Variants in NALF1 observed in about 807,000 individuals in gnomAD.
NALF1 encodes the protein NALCN channel auxiliary factor 1, also known as family with sequence similarity 155 member A.
A neutral mutation model predicts 48.4 loss-of-function variants in NALF1; 3 were observed. That is an observed-to-expected ratio of 0.06 (90% CI 0.03 to 0.16). The LOEUF is 0.16. Among genes scored for constraint, NALF1 ranks in the 10% least tolerant of loss-of-function variants. The pLI is 1.00. For missense variants in NALF1, 526 were observed against 571.5 expected, an observed-to-expected ratio of 0.92 and a Z score of 0.81; for synonymous variants, 262 against 245.7, an observed-to-expected ratio of 1.07 and a Z score of -0.62.
chr13:107,690,596 C>T (rs4084979), intron 1 of NALF1, among the ~76,000 whole-genome samples: 151,061 of 152,306 alleles, frequency 0.99, 74,922 homozygotes, highest in East Asian at 1. Context: ...AGCTAGAGAG[C>T]AATGATACTA....
chr13:107,767,001 C>T lies in NALF1; in HGVS notation c.915+98681G>A, dbSNP rs557986205. Among the ~76,000 whole-genome samples, 50 of 152,030 alleles carry T rather than the reference C, an allele frequency of 3.3e-4. No individual in the cohort carries two copies. The South Asian group carries it at 8.9e-3, about 27-fold the overall frequency. The stretch of plus-strand genomic sequence containing the variant: ...GCAACTGACAACAGAAAGACTTAGA[C>T]GTGTGGAGGAAAAACAACCAAACGG... On this transcript the variant is annotated intron_variant, in intron 1 of 2. Transcript: ENST00000375915.
At chr13:107,478,145 T>C (rs1172683546) in intron 1 of NALF1, among the ~76,000 whole-genome samples, 2 of 152,156 alleles carry the variant, frequency 1.3e-5, no homozygotes, top group Non-Finnish European at 2.9e-5. Context: ...AATGAAGCCA[T>C]TCTTGCTGTA....
intron 1 of NALF1, among the ~76,000 whole-genome samples, chr13:107,308,127 T>G (rs1881973035): frequency 6.6e-6 from 1 of 152,048 alleles, no homozygotes; most frequent in African/African-American, 2.4e-5. Flanking sequence ...ATTCCTCCAT[T>G]ATTTTTTACC....
chr13:107,247,612 T>G (rs752514580), intron 1 of NALF1, among the ~76,000 whole-genome samples: 4 of 152,240 alleles, frequency 2.6e-5, no homozygotes, highest in Non-Finnish European at 5.9e-5. Context: ...TACACTTGAA[T>G]CACATATACT....
chr13:107,365,775 T>C (rs1883142065), intron 1 of NALF1, among the ~76,000 whole-genome samples: 1 of 152,174 alleles, frequency 6.6e-6, no homozygotes, highest in Non-Finnish European at 1.5e-5. Flanking sequence ...ATTAAATAGA[T>C]CTTCTGAGCT....
intron 1 of NALF1, among the ~76,000 whole-genome samples, chr13:107,244,519 T>C (rs1229628789): frequency 1.3e-5 from 2 of 152,258 alleles, no homozygotes; most frequent in Non-Finnish European, 2.9e-5. Flanking sequence ...GATGTGTCTA[T>C]TTTTCTGAAA....
intron 2 of NALF1, among the ~76,000 whole-genome samples, chr13:107,186,217 G>A (rs1879168620): frequency 1.3e-5 from 2 of 152,062 alleles, no homozygotes; most frequent in East Asian, 1.9e-4. Flanking sequence ...TCCACCGGGG[G>A]ATGCTGTAAT....
intron 1 of NALF1, among the ~76,000 whole-genome samples, chr13:107,357,408 T>C (rs1882982355): frequency 6.6e-6 from 1 of 152,014 alleles, no homozygotes; most frequent in African/African-American, 2.4e-5. Context: ...CCCTGACACA[T>C]GGGTATTATA....
At position 107,163,886 on chromosome 13, in the gene NALF1, C is replaced by G. The variant is rs1017538098; in HGVS notation, c.*6611G>C. The stretch of plus-strand genomic sequence containing the variant: ...TGCAGAAAAAGGTAGAAAAAGAAAA[C>G]AAGAGAAAAAGGAAGAAAAAGAAAG... On this transcript the variant is annotated 3_prime_UTR_variant, in exon 3 of 3. Transcript: ENST00000375915. The G allele has an allele frequency of 1.1e-4, 17 of 151,810 alleles. No individual in the cohort carries two copies. The highest frequency in any genetic ancestry group is 3.4e-4 in the African/African-American group (14 of 41,316). 9.4% of individuals were successfully genotyped at this position (151,810 alleles called of 1,614,324 possible). A position where few individuals can be genotyped will look rare whatever the true frequency, so the allele number is the denominator to read the frequency against.
intron 1 of NALF1, among the ~76,000 whole-genome samples, chr13:107,477,545 A>C (rs1472099750): frequency 6.6e-6 from 1 of 151,864 alleles, no homozygotes; most frequent in African/African-American, 2.4e-5. Context: ...AAATTACTGA[A>C]AGTCATCTTC....
At chr13:107,683,852 G>GA (rs58276093) in intron 1 of NALF1, among the ~76,000 whole-genome samples, 52,662 of 108,888 alleles carry the variant, frequency 0.48, 9,256 homozygotes, top group East Asian at 0.55. Flanking sequence ...CACATCCTGT[G>GA]GGGTCTCCTG....
chr13:107,191,911 A>C (rs1006917379), intron 2 of NALF1, among the ~76,000 whole-genome samples: 11 of 141,700 alleles, frequency 7.8e-5, no homozygotes, highest in African/African-American at 3.0e-4. Context: ...TGAACTCCTG[A>C]CCTCAGGTGT....
intron 1 of NALF1, among the ~76,000 whole-genome samples, chr13:107,610,762 G>A (rs185182619): frequency 6.6e-6 from 1 of 152,308 alleles, no homozygotes; most frequent in Admixed American, 6.5e-5. Context: ...TATGCGCAGG[G>A]AATGATAAAC....
chr13:107,421,820 A>C (rs1465328224), intron 1 of NALF1, among the ~76,000 whole-genome samples: 1 of 152,188 alleles, frequency 6.6e-6, no homozygotes. Flanking sequence ...CATTGAAAAC[A>C]TGTTCCAGGA....
At chr13:107,827,305 C>T (rs115849033) in intron 1 of NALF1, among the ~76,000 whole-genome samples, 1,812 of 152,252 alleles carry the variant, frequency 0.012, 35 homozygotes, top group African/African-American at 0.041. Flanking sequence ...ATTTACTTAG[C>T]GTGTTTCTTT....
At chr13:107,627,442 C>T (rs7997048) in intron 1 of NALF1, among the ~76,000 whole-genome samples, 88,037 of 151,814 alleles carry the variant, frequency 0.58, 27,947 homozygotes, top group East Asian at 0.99. Flanking sequence ...TCATATTCTT[C>T]TCAGTGTTAT....
rs114220913 is a variant in NALF1 at position 107,223,686 on chromosome 13, C to T, written c.916-12931G>A. On this transcript the variant is annotated intron_variant, in intron 1 of 2. Transcript: ENST00000375915. ...TTGGGTGCTCCCTGTGTTCCATTGA[C>T]TTGCTGCGGTCTAACCCCTGTGAAG... Among the ~76,000 whole-genome samples, 881 of 152,302 alleles carry T rather than the reference C, an allele frequency of 5.8e-3. 4 individuals carry two copies. Among genetic ancestry groups the T allele is most frequent in the African/African-American group, 0.021 (853 of 41,550 alleles).
intron 1 of NALF1, among the ~76,000 whole-genome samples, chr13:107,413,545 A>T (rs1405652040): frequency 6.6e-6 from 1 of 152,142 alleles, no homozygotes; most frequent in Non-Finnish European, 1.5e-5. Context: ...ATTAAGTAAA[A>T]TTACACGATG....
chr13:107,696,557 T>A (rs891278404), intron 1 of NALF1, among the ~76,000 whole-genome samples: 1 of 120,160 alleles, frequency 8.3e-6, no homozygotes, highest in African/African-American at 4.0e-5. Context: ...GTTGAGTGTG[T>A]GTGTGTGTGT....
Sources: allele counts gnomAD v4.1 joint callset (sites outside exome capture counted in the v4.1 genomes callset), GRCh38; gene constraint gnomAD v4.1.1; transcripts MANE v1.5; gene names NCBI Gene and HGNC (gene_info 2026-07-23, HGNC 2026-07-21).